The following TRPS1 variants were observed in gnomAD, a reference collection of about 807,000 sequenced individuals.
TRPS1 encodes zinc finger transcription factor Trps1.
TRPS1 carries 6 observed loss-of-function variants against 101.2 expected under a neutral mutation model. The ratio of observed to expected loss-of-function variants is 0.06; its 90% CI spans 0.03 to 0.12. The LOEUF is 0.12. Ranked by LOEUF, TRPS1 falls within the 10% of genes least tolerant of loss-of-function variation. The pLI, the probability that TRPS1 is intolerant of heterozygous loss-of-function variation, is 1.00. For synonymous variants in TRPS1, 578 were observed against 589.8 expected (o/e 0.98, Z 0.29); for missense variants, 1,363 against 1,567.0 (o/e 0.87, Z 2.20).
intron 5 of TRPS1, among the ~76,000 whole-genome samples, chr8:115,477,028 A>G (rs1448627972): frequency 1.3e-5 from 2 of 152,208 alleles, no homozygotes; most frequent in Admixed American, 1.3e-4. Flanking sequence ...TTACAGAAAC[A>G]CAGTTAATAA....
At chr8:115,469,458 C>T (rs891830521) in intron 5 of TRPS1, among the ~76,000 whole-genome samples, 1 of 152,098 alleles carries the variant, frequency 6.6e-6, no homozygotes, top group Non-Finnish European at 1.5e-5. Flanking sequence ...CATATAATTG[C>T]TTCTTCTCAA....
chr8:115,663,354 T>G (rs1811849537), intron 1 of TRPS1, among the ~76,000 whole-genome samples: 1 of 151,722 alleles, frequency 6.6e-6, no homozygotes, highest in Admixed American at 6.6e-5. Flanking sequence ...AAAGCAAAGT[T>G]TGGCATTACG....
intron 5 of TRPS1, among the ~76,000 whole-genome samples, chr8:115,514,786 T>C (rs1203616125): frequency 2.6e-5 from 4 of 151,588 alleles, no homozygotes; most frequent in Non-Finnish European, 5.9e-5. Context: ...AAAACCAGCT[T>C]AATAACTAAA....
chr8:115,566,021 C>A (rs186275397), intron 5 of TRPS1, among the ~76,000 whole-genome samples: 50 of 152,226 alleles, frequency 3.3e-4, no homozygotes, highest in Admixed American at 2.4e-3. Context: ...TATCCTCATA[C>A]CATGGCATAG....
intron 4 of TRPS1, among the ~76,000 whole-genome samples, chr8:115,596,320 T>C (rs1817783464): frequency 6.6e-6 from 1 of 151,928 alleles, no homozygotes; most frequent in African/African-American, 2.4e-5. Flanking sequence ...CAGTAAGTTA[T>C]TTAATAGTGA....
intron 5 of TRPS1, among the ~76,000 whole-genome samples, chr8:115,477,622 T>A (rs1187538137): frequency 6.6e-6 from 1 of 152,214 alleles, no homozygotes; most frequent in African/African-American, 2.4e-5. Flanking sequence ...AGACTCATAA[T>A]GTTAGAACCA....
intron 2 of TRPS1, among the ~76,000 whole-genome samples, chr8:115,622,711 A>G (rs1017465554): frequency 2.6e-5 from 4 of 152,180 alleles, no homozygotes; most frequent in African/African-American, 2.4e-5. Context: ...AATGAAATGA[A>G]TAAGGTTACA....
chr8:115,486,806 T>C (rs1814892040), intron 5 of TRPS1, among the ~76,000 whole-genome samples: 4 of 152,134 alleles, frequency 2.6e-5, no homozygotes, highest in South Asian at 4.1e-4. Flanking sequence ...GGTTGGTTCA[T>C]GAGGTTGAAG....
At position 115,539,038 on chromosome 8, in the gene TRPS1, T is replaced by C. The variant is rs547114114; in HGVS notation, c.2700+47963A>G. Among the ~76,000 whole-genome samples, 13 of 152,320 alleles carry C rather than the reference T, an allele frequency of 8.5e-5. No homozygotes were observed. The South Asian group carries it at 2.7e-3, about 32-fold the overall frequency. On this transcript the variant is annotated intron_variant, in intron 5 of 6. Coordinates refer to ENST00000395715, the MANE Select transcript of TRPS1 (RefSeq NM_014112.5). ...GTCCAAGATGCTTAAAAATGTCACA[T>C]CATGTTAAACCTGAGTCAACCTAAC...
chr8:115,588,966 A>C (rs1291802323), intron 4 of TRPS1, among the ~76,000 whole-genome samples: 3 of 152,224 alleles, frequency 2.0e-5, no homozygotes, highest in Non-Finnish European at 4.4e-5. Context: ...TCTATTAAGT[A>C]CAAAGAGTGA....
intron 5 of TRPS1, among the ~76,000 whole-genome samples, chr8:115,532,032 A>G (rs1816145107): frequency 6.6e-6 from 1 of 152,160 alleles, no homozygotes; most frequent in South Asian, 2.1e-4. Flanking sequence ...AAGAAAAAGG[A>G]GTCGAAGGGC....
At chr8:115,483,863 G>A (rs145328543) in intron 5 of TRPS1, among the ~76,000 whole-genome samples, 1 of 152,222 alleles carries the variant, frequency 6.6e-6, no homozygotes, top group African/African-American at 2.4e-5. Context: ...CTCTAAAGAT[G>A]AGTAATTTTT....
chr8:115,492,259 ATGT>A (rs1815042491), intron 5 of TRPS1: 1 of 456,062 alleles, frequency 2.2e-6, no homozygotes, highest in Admixed American at 2.4e-5. Context: ...AGAGGTAAGA[ATGT>A]TCAGGAAATG....
chr8:115,449,390 C>T lies in TRPS1; in HGVS notation c.2701-30938G>A, dbSNP rs1244156541. On this transcript the variant is annotated intron_variant, in intron 5 of 6. Transcript: ENST00000395715. Reference sequence around the variant, plus strand: ...AAATCAGGGAAATGGATTTTCTGCACTTTGCAGTTTGGGGAAACTAACAGT... The same window carrying T: ...AAATCAGGGAAATGGATTTTCTGCATTTTGCAGTTTGGGGAAACTAACAGT... 2.0e-5 allele frequency among the ~76,000 whole-genome samples: 3 copies of T among 152,176 alleles called. No individual in the cohort carries two copies. In the East Asian group the frequency reaches 5.8e-4, roughly 29 times the overall value.
At chr8:115,622,039 T>A (rs1303509633) in intron 2 of TRPS1, among the ~76,000 whole-genome samples, 4 of 152,094 alleles carry the variant, frequency 2.6e-5, no homozygotes, top group Non-Finnish European at 4.4e-5. Context: ...AAATTACATA[T>A]ATAGGATGGA....
intron 5 of TRPS1, among the ~76,000 whole-genome samples, chr8:115,529,310 T>C (rs1265931070): frequency 1.3e-5 from 2 of 152,080 alleles, no homozygotes; most frequent in African/African-American, 4.8e-5. Flanking sequence ...CAAAAACTTA[T>C]GCAAGGTTTT....
Position 115,410,129 on chromosome 8 carries a change from C to T in TRPS1, c.*3894G>A, listed in dbSNP as rs566938154. ...GGCAGCAGTTCACAGGTCTCAAGAC[C>T]GGTCACTTTGTGATGTTTTGCAGCC... On this transcript the variant is annotated 3_prime_UTR_variant, in exon 7 of 7. Transcript: ENST00000395715. The T allele has an allele frequency of 2.0e-5, 3 of 151,996 alleles. No homozygotes were observed. The highest frequency in any genetic ancestry group is 2.1e-4 in the South Asian group (1 of 4,816). 9.4% of individuals were successfully genotyped at this position (151,996 alleles called of 1,614,324 possible). A position where few individuals can be genotyped will look rare whatever the true frequency, so the allele number is the denominator to read the frequency against.
chr8:115,473,103 G>A (rs1353351531), intron 5 of TRPS1, among the ~76,000 whole-genome samples: 3 of 152,114 alleles, frequency 2.0e-5, no homozygotes, highest in African/African-American at 7.2e-5. Flanking sequence ...CTTTACAGCA[G>A]TGCCCCACTC....
chr8:115,421,808 T>C (rs1210018670), intron 5 of TRPS1, among the ~76,000 whole-genome samples: 1 of 152,166 alleles, frequency 6.6e-6, no homozygotes, highest in African/African-American at 2.4e-5. Context: ...AGCCCTGACC[T>C]GGTCACACTG....
Sources: gnomAD v4.1 joint callset for allele counts (sites outside exome capture counted in the v4.1 genomes callset) on GRCh38, gnomAD v4.1.1 for gene constraint, MANE v1.5 for transcripts, NCBI Gene and HGNC (gene_info 2026-07-23, HGNC 2026-07-21) for gene names.